The following PTPRN2 variants were observed in gnomAD, a reference collection of about 807,000 sequenced individuals.
The protein encoded by PTPRN2 is receptor-type tyrosine-protein phosphatase N2.
A neutral mutation model predicts 118.8 loss-of-function variants in PTPRN2; 74 were observed. The ratio of observed to expected loss-of-function variants is 0.62; its 90% CI spans 0.52 to 0.76. The LOEUF (loss-of-function observed/expected upper bound fraction) is 0.76. Ranked by LOEUF, PTPRN2 falls within the 30% of genes least tolerant of loss-of-function variation. The pLI, the probability that PTPRN2 is intolerant of heterozygous loss-of-function variation, is 0.00. For missense variants in PTPRN2, 1,481 were observed against 1,394.4 expected (o/e 1.06, Z -0.99); for synonymous variants, 641 against 608.0 (o/e 1.05, Z -0.80).
intron 12 of PTPRN2, among the ~76,000 whole-genome samples, chr7:157,847,807 C>T (rs999989354): frequency 8.4e-5 from 12 of 142,882 alleles, no homozygotes; most frequent in East Asian, 2.2e-4. Flanking sequence ...CATGCGTGCC[C>T]GATGTCTACA....
chr7:157,542,033 G>A (rs184891803), intron 22 of PTPRN2, among the ~76,000 whole-genome samples: 132 of 152,308 alleles, frequency 8.7e-4, no homozygotes, highest in Middle Eastern at 3.4e-3. Context: ...GGTGGGACCC[G>A]GGGAGATGTG....
At chr7:158,548,232 G>A (rs949838434) in intron 1 of PTPRN2, among the ~76,000 whole-genome samples, 1 of 152,212 alleles carries the variant, frequency 6.6e-6, no homozygotes, top group Admixed American at 6.5e-5. Flanking sequence ...TGGATCAGAC[G>A]CTGTGAAGAG....
intron 4 of PTPRN2, among the ~76,000 whole-genome samples, chr7:158,203,252 GAA>G (rs1253277366): frequency 1.1e-5 from 1 of 91,050 alleles, no homozygotes; most frequent in Non-Finnish European, 2.4e-5. Flanking sequence ...AAAAAAAAAA[GAA>G]GAGGAAAGAA....
intron 3 of PTPRN2, among the ~76,000 whole-genome samples, chr7:158,283,360 C>T (rs775087122): frequency 6.6e-6 from 1 of 152,140 alleles, no homozygotes; most frequent in Non-Finnish European, 1.5e-5. Context: ...CAGTTCACAC[C>T]GTCTGCCATC....
chr7:158,067,986 G>A (rs1361379210), intron 11 of PTPRN2, among the ~76,000 whole-genome samples: 1 of 152,216 alleles, frequency 6.6e-6, no homozygotes, highest in Admixed American at 6.5e-5. Context: ...GGCTCTTCCT[G>A]TGGGGTGGCA....
chr7:158,402,462 A>G (rs1813021345), intron 2 of PTPRN2, among the ~76,000 whole-genome samples: 1 of 152,126 alleles, frequency 6.6e-6, no homozygotes, highest in South Asian at 2.1e-4. Flanking sequence ...TTGCATCTGC[A>G]CTGAATTTAC....
chr7:157,843,657 G>A (rs972944036), intron 12 of PTPRN2, among the ~76,000 whole-genome samples: 9 of 152,150 alleles, frequency 5.9e-5, no homozygotes, highest in South Asian at 4.1e-4. Context: ...TGCAGGTGTC[G>A]GAAAAAAATT....
intron 12 of PTPRN2, among the ~76,000 whole-genome samples, chr7:157,842,576 A>G (rs937439999): frequency 2.6e-5 from 4 of 151,994 alleles, no homozygotes; most frequent in African/African-American, 7.2e-5. Context: ...CACCATGCCC[A>G]GCTAATTTTT....
intron 14 of PTPRN2, among the ~76,000 whole-genome samples, chr7:157,643,924 C>T (rs1216582610): frequency 6.6e-6 from 1 of 152,254 alleles, no homozygotes; most frequent in African/African-American, 2.4e-5. Flanking sequence ...TAGTGCTCGC[C>T]GCACGCTCAG....
chr7:158,211,134 A>C (rs1274422032), intron 3 of PTPRN2, among the ~76,000 whole-genome samples: 1 of 152,238 alleles, frequency 6.6e-6, no homozygotes, highest in Non-Finnish European at 1.5e-5. Flanking sequence ...CAGAAGAATG[A>C]AACTAGACTC....
intron 11 of PTPRN2, among the ~76,000 whole-genome samples, chr7:158,073,668 C>G (rs749745709): frequency 1.3e-5 from 2 of 151,248 alleles, no homozygotes; most frequent in Non-Finnish European, 2.9e-5. Flanking sequence ...AGACACTACC[C>G]TTTCTATGCG....
rs111204892 is a variant in PTPRN2 at position 158,262,847 on chromosome 7, T to C, written c.277+53972A>G. On this transcript the variant is annotated intron_variant, in intron 3 of 22. Transcript: ENST00000389418. ...CACACATTCACACACTACACACACA[T>C]ACATACATTCACACACATTCACACA... is the stretch of plus-strand genomic sequence containing the variant. Among the ~76,000 whole-genome samples, 1,190 of 129,370 alleles carry C rather than the reference T, an allele frequency of 9.2e-3. 16 individuals are homozygous for C. Among genetic ancestry groups the C allele is most frequent in the African/African-American group, 0.034 (1,120 of 32,966 alleles). 84.9% of individuals were successfully genotyped at this position (129,370 alleles called of 152,430 possible). A position where few individuals can be genotyped will look rare whatever the true frequency, so the allele number is the denominator to read the frequency against.
chr7:158,309,741 C>A (rs1325679842), intron 3 of PTPRN2, among the ~76,000 whole-genome samples: 1 of 152,066 alleles, frequency 6.6e-6, no homozygotes, highest in Non-Finnish European at 1.5e-5. Context: ...AAGATTAGTT[C>A]AAATATAAAA....
At chr7:158,323,926 TAC>T (rs368609740) in intron 2 of PTPRN2, among the ~76,000 whole-genome samples, 2 of 151,802 alleles carry the variant, frequency 1.3e-5, no homozygotes, top group South Asian at 4.2e-4. Flanking sequence ...CACTCACACA[TAC>T]ACACACTCAC....
At chr7:158,030,008 A>G (rs1807571501) in intron 11 of PTPRN2, 1 of 152,254 alleles carries the variant, frequency 6.6e-6, no homozygotes, top group Non-Finnish European at 1.5e-5. Context: ...ACATGTAGAG[A>G]GAAAATACAT....
intron 14 of PTPRN2, among the ~76,000 whole-genome samples, chr7:157,650,530 C>T (rs957232526): frequency 5.3e-5 from 8 of 152,186 alleles, no homozygotes; most frequent in African/African-American, 2.4e-5. Flanking sequence ...CAGGCCTCCG[C>T]GCCAGCACCC....
At chr7:157,799,517 A>G (rs1805094408) in intron 12 of PTPRN2, among the ~76,000 whole-genome samples, 1 of 152,060 alleles carries the variant, frequency 6.6e-6, no homozygotes, top group African/African-American at 2.4e-5. Context: ...TGGGACCTAC[A>G]GCAGGTCCTG....
chr7:158,071,455 T>TGGAGG lies in PTPRN2; in HGVS notation c.1723+9842_1723+9843insCCTCC, dbSNP rs1563391445. ...CTCGTGGTGGTGGAGGTGCTCGTGG[T>TGGAGG]TGAGGTGCTCGTGGTGGTGGAGGTT... On this transcript the variant is annotated intron_variant, in intron 11 of 22. Coordinates refer to ENST00000389418, the MANE Select transcript of PTPRN2 (RefSeq NM_002847.5). Among the ~76,000 whole-genome samples, 224 of 72,334 alleles carry TGGAGG rather than the reference T, an allele frequency of 3.1e-3. 22 individuals carry two copies. The highest frequency in any genetic ancestry group is 6.7e-3 in the African/African-American group (128 of 19,198). The allele number at this position is 72,334 out of a possible 152,430, so 47.5% of individuals were successfully genotyped here.
intron 12 of PTPRN2, among the ~76,000 whole-genome samples, chr7:157,717,522 C>T (rs1236616858): frequency 6.6e-6 from 1 of 152,262 alleles, no homozygotes; most frequent in African/African-American, 2.4e-5. Context: ...CAGTGCCCTC[C>T]CTAGTTGGCA....
Sources: allele counts gnomAD v4.1 joint callset (sites outside exome capture counted in the v4.1 genomes callset), GRCh38; gene constraint gnomAD v4.1.1; transcripts MANE v1.5; gene names NCBI Gene and HGNC (gene_info 2026-07-23, HGNC 2026-07-21).